The following IMMT variants were observed in gnomAD, a reference collection of about 807,000 sequenced individuals.
The protein encoded by IMMT is MICOS complex subunit MIC60.
In IMMT, 40 loss-of-function variants were observed where a neutral mutation model predicts 92.7. That is an observed-to-expected ratio of 0.43 (90% CI 0.34 to 0.56). IMMT has a LOEUF of 0.56. Among genes scored for constraint, IMMT ranks in the 20% least tolerant of loss-of-function variants. IMMT has a pLI of 0.03. For synonymous variants in IMMT, 322 were observed against 336.1 expected (o/e 0.96, Z 0.46); for missense variants, 831 against 912.1 (o/e 0.91, Z 1.14).
At chr2:86,181,419 G>T (rs904056384) in intron 1 of IMMT, 47 bp from the exon 2 acceptor site, 2 of 1,361,168 alleles carry the variant, frequency 1.5e-6, no homozygotes, top group Admixed American at 1.7e-5. Flanking sequence ...AAGGAAACTG[G>T]TAAGCTTTTA....
In IMMT at chr2:86,170,790, C is replaced by T. The variant is rs1480225369; in HGVS notation, c.614G>A (p.Arg205His). ...RERPPEEVAA[R>H]LAQQEKQEQV... ...TTCTTGTTTTTCCTGTTGTGCAAGGCGAGCTGCAACTTCTTCAGGTGGTCG... is the reference window on the plus strand; with the variant it reads ...TTCTTGTTTTTCCTGTTGTGCAAGGTGAGCTGCAACTTCTTCAGGTGGTCG... The change falls in exon 6 of 15, where the codon CGC becomes CAC. Residue 205 changes from arginine (R) to histidine (H), a missense_variant. Coordinates refer to ENST00000410111, the MANE Select transcript of IMMT (RefSeq NM_006839.3). 18 of 1,590,278 alleles carry T rather than the reference C, an allele frequency of 1.1e-5. No individual in the cohort carries two copies. Among genetic ancestry groups the T allele is most frequent in the Middle Eastern group, 1.7e-4 (1 of 6,036 alleles).
In IMMT at chr2:86,159,605, C is replaced by T; in HGVS notation, c.963G>A (p.Lys321=). ...NAKKKEVAGA[K]PHITAAEGKL... is the part of the protein sequence containing the mutation. ...TACCCTCTGCAGCAGTTATATGAGGCTTGGCCCCAGCAACCTCTTTTTTCT... is the reference window on the plus strand; with the variant it reads ...TACCCTCTGCAGCAGTTATATGAGGTTTGGCCCCAGCAACCTCTTTTTTCT... Residue 321 remains lysine (K), a synonymous_variant, in exon 9 of 15, where the codon AAG becomes AAA. Coordinates refer to ENST00000410111, the MANE Select transcript of IMMT (RefSeq NM_006839.3). The T allele has an allele frequency of 6.3e-7, 1 of 1,594,478 alleles. No homozygotes were observed. Among genetic ancestry groups the T allele is most frequent in the Non-Finnish European group, 8.5e-7 (1 of 1,173,812 alleles).
intron 9 of IMMT, 170 bp downstream of exon 9, chr2:86,159,366 T>A (rs1676098516): frequency 1.4e-6 from 1 of 689,892 alleles, no homozygotes; most frequent in South Asian, 1.5e-5. Context: ...ATTACAGGTG[T>A]GAACCACCAC....
At chr2:86,176,297 A>G (rs1192878061) in intron 3 of IMMT, among the ~76,000 whole-genome samples, 1 of 152,218 alleles carries the variant, frequency 6.6e-6, no homozygotes, top group Non-Finnish European at 1.5e-5. Flanking sequence ...AAGTACATTA[A>G]TAGGTGTTAT....
At chr2:86,148,205 C>G (rs912104477) in intron 12 of IMMT, among the ~76,000 whole-genome samples, 2 of 152,180 alleles carry the variant, frequency 1.3e-5, no homozygotes, top group African/African-American at 2.4e-5. Flanking sequence ...TACTTGGAAT[C>G]AAGCGTAGCT....
Position 86,171,200 on chromosome 2 carries a change from T to TA in IMMT, c.559+7dup. 6.3e-7 allele frequency: 1 copy of TA among 1,575,278 alleles called. No homozygotes were observed. The highest frequency in any genetic ancestry group is 8.6e-7 in the Non-Finnish European group (1 of 1,159,520). ...GTATAAAAGAACAAATAGAAATAAT[T>TA]AAATTACCTGAAAGTGCAGGTGTGG... On this transcript the variant is annotated splice_region_variant and intron_variant, in intron 5 of 14. Coordinates refer to ENST00000410111, the MANE Select transcript of IMMT (RefSeq NM_006839.3).
Position 86,147,911 on chromosome 2 carries a change from A to G in IMMT, c.1402-78T>C, listed in dbSNP as rs866112409. 17 of 1,410,320 alleles carry G rather than the reference A, an allele frequency of 1.2e-5. No homozygotes were observed. The Middle Eastern group carries it at 5.4e-4, about 45-fold the overall frequency. 87.4% of individuals were successfully genotyped at this position (1,410,320 alleles called of 1,614,324 possible). A position where few individuals can be genotyped will look rare whatever the true frequency, so the allele number is the denominator to read the frequency against. On this transcript the variant is annotated intron_variant, in intron 12 of 14. Transcript: ENST00000410111. ...TAGGAAAACAGAAAGACCACTATCA[A>G]CCATGACAACAGCAGCTTCCATATC...
chr2:86,183,783 C>T lies in IMMT; in HGVS notation c.46-2411G>A, dbSNP rs117982844. Among the ~76,000 whole-genome samples, 211 of 152,228 alleles carry T rather than the reference C, an allele frequency of 1.4e-3. 4 individuals carry two copies. The East Asian group carries it at 0.037, about 27-fold the overall frequency. On this transcript the variant is annotated intron_variant, in intron 1 of 14. Coordinates refer to ENST00000410111, the MANE Select transcript of IMMT (RefSeq NM_006839.3). The stretch of plus-strand genomic sequence containing the variant: ...ATGATACCATAATATACACGCAATT[C>T]TCTATTAAAGTTCAAGGATATATAT...
At chr2:86,163,832 G>A (rs930251383) in intron 7 of IMMT, among the ~76,000 whole-genome samples, 2 of 151,266 alleles carry the variant, frequency 1.3e-5, no homozygotes, top group African/African-American at 2.4e-5. Context: ...GGTGATGGGC[G>A]CCTGTAATCC....
At position 86,144,135 on chromosome 2, in the gene IMMT, G is replaced by GT; in HGVS notation, c.*132dup. 1.1e-6 allele frequency: 1 copy of GT among 928,020 alleles called. No individual in the cohort carries two copies. The highest frequency in any genetic ancestry group is 1.6e-6 in the Non-Finnish European group (1 of 627,322). 57.5% of individuals were successfully genotyped at this position (928,020 alleles called of 1,614,324 possible). ...TGGAAAGAATATAAATGCAACAGGTGTTAACATTTAGAACAGTACTTGTAA... is the reference window on the plus strand; with the variant it reads ...TGGAAAGAATATAAATGCAACAGGTGTTTAACATTTAGAACAGTACTTGTAA... On this transcript the variant is annotated 3_prime_UTR_variant, in exon 15 of 15. Coordinates refer to ENST00000410111, the MANE Select transcript of IMMT (RefSeq NM_006839.3).
chr2:86,174,548 A>T (rs550804965), intron 3 of IMMT, among the ~76,000 whole-genome samples: 4 of 152,330 alleles, frequency 2.6e-5, no homozygotes, highest in Non-Finnish European at 5.9e-5. Context: ...GCCAAGATAT[A>T]TCAGTGGCTT....
At chr2:86,187,741 C>T (rs1024909155) in intron 1 of IMMT, among the ~76,000 whole-genome samples, 3 of 151,838 alleles carry the variant, frequency 2.0e-5, no homozygotes, top group Non-Finnish European at 4.4e-5. Context: ...AGAAGCCCCG[C>T]GTCTCCAGTA....
In IMMT at chr2:86,146,363, T is replaced by C. The variant is rs550499408; in HGVS notation, c.1534-166A>G. ...CAAAAATGTCCTGACTCATATTTGA[T>C]GTATATAATATATTTTTTTTTTTTT... On this transcript the variant is annotated intron_variant, in intron 13 of 14. Coordinates refer to ENST00000410111, the MANE Select transcript of IMMT (RefSeq NM_006839.3). 3.7e-4 allele frequency among the ~76,000 whole-genome samples: 53 copies of C among 144,294 alleles called. 1 individual carries two copies. The East Asian group carries it at 0.01, about 28-fold the overall frequency. 94.7% of individuals were successfully genotyped at this position (144,294 alleles called of 152,430 possible). A position where few individuals can be genotyped will look rare whatever the true frequency, so the allele number is the denominator to read the frequency against.
At chr2:86,160,298 G>A (rs184700327) in intron 8 of IMMT, among the ~76,000 whole-genome samples, 1 of 152,302 alleles carries the variant, frequency 6.6e-6, no homozygotes, top group African/African-American at 2.4e-5. Flanking sequence ...TTAGTGCCTG[G>A]CTGAATCATG....
chr2:86,167,969 G>GT (rs780157095), intron 6 of IMMT, among the ~76,000 whole-genome samples: 12 of 152,034 alleles, frequency 7.9e-5, no homozygotes, highest in African/African-American at 2.4e-4. Flanking sequence ...AACAACAATC[G>GT]TAACAGGGAA....
intron 3 of IMMT, among the ~76,000 whole-genome samples, 159 bp downstream of exon 3, chr2:86,179,274 T>C (rs1677668081): frequency 1.3e-5 from 2 of 152,244 alleles, no homozygotes; most frequent in South Asian, 4.1e-4. Flanking sequence ...TGTAACATTT[T>C]ATATCTGAGA....
chr2:86,181,383 A>G lies in IMMT; in HGVS notation c.46-11T>C, dbSNP rs746676974. 7 of 1,602,294 alleles carry G rather than the reference A, an allele frequency of 4.4e-6. No homozygotes were observed. Reference sequence around the variant, plus strand: ...CCCACAGAGACAACTCTAAAGAAGGAAAACACATCACAACCAATACAGTTA... The same window carrying G: ...CCCACAGAGACAACTCTAAAGAAGGGAAACACATCACAACCAATACAGTTA... On this transcript the variant is annotated splice_polypyrimidine_tract_variant and intron_variant, in intron 1 of 14. Coordinates refer to ENST00000410111, the MANE Select transcript of IMMT (RefSeq NM_006839.3).
At position 86,162,048 on chromosome 2, in the gene IMMT, C is replaced by T. The variant is rs555759519; in HGVS notation, c.824G>A (p.Arg275His). The T allele has an allele frequency of 5.0e-6, 8 of 1,599,548 alleles. No individual in the cohort carries two copies. The highest frequency in any genetic ancestry group is 2.3e-5 in the South Asian group (2 of 87,664). ...TTCCTTCAATGCACCCTCCACTGTG[C>T]GCCACTGAGCAGATTTCTTCTCGCC... is the stretch of plus-strand genomic sequence containing the variant. ...IAGEKKSAQWRTVEGALKERR... is the reference protein window; with the variant it reads ...IAGEKKSAQWHTVEGALKERR... Residue 275 changes from arginine (R) to histidine (H), a missense_variant, in exon 8 of 15, where the codon CGC becomes CAC. Coordinates refer to ENST00000410111, the MANE Select transcript of IMMT (RefSeq NM_006839.3).
chr2:86,171,786 T>A (rs6757387), intron 4 of IMMT, among the ~76,000 whole-genome samples: 69,623 of 151,472 alleles, frequency 0.46, 16,546 homozygotes, highest in Non-Finnish European at 0.51. Flanking sequence ...GGAAAAAGAT[T>A]ACAGTTTTAA....
Sources: allele counts gnomAD v4.1 joint callset (sites outside exome capture counted in the v4.1 genomes callset), GRCh38; gene constraint gnomAD v4.1.1; transcripts MANE v1.5; gene names NCBI Gene and HGNC (gene_info 2026-07-23, HGNC 2026-07-21).